The following CERKL variants were observed in gnomAD, a reference collection of about 807,000 sequenced individuals.
CERKL encodes the protein CERK like autophagy regulator, also known as ceramide kinase-like protein.
CERKL carries 61 observed loss-of-function variants against 63.4 expected under a neutral mutation model. The observed-to-expected ratio is 0.96, with a 90% CI of 0.78 to 1.19. The LOEUF is 1.19. Ranked by LOEUF, CERKL falls within the 50% of genes most tolerant of loss-of-function variation. The probability of loss-of-function intolerance (pLI) is 0.00; values close to 1 mark genes in which losing one functional copy is unlikely to be tolerated. For synonymous variants in CERKL, 250 were observed against 230.5 expected (o/e 1.08, Z -0.77); for missense variants, 675 against 655.5 (o/e 1.03, Z -0.33).
intron 5 of CERKL, among the ~76,000 whole-genome samples, chr2:181,555,607 A>T (rs756804628): frequency 2.3e-4 from 35 of 152,154 alleles, no homozygotes; most frequent in Non-Finnish European, 4.7e-4. Flanking sequence ...CTAAATGAAT[A>T]GGGTTATCAA....
In CERKL at chr2:181,537,950, A is replaced by C. The variant is rs1687254852; in HGVS notation, c.*234T>G. ...GCATTAGATTCTCATAGAAGTGCGA[A>C]CCATATGGTGAACTGGTATGTGAGG... is the stretch of plus-strand genomic sequence containing the variant. On this transcript the variant is annotated 3_prime_UTR_variant, in exon 13 of 13. Coordinates refer to ENST00000410087, the MANE Select transcript of CERKL (RefSeq NM_201548.5). 1.6e-6 allele frequency: 1 copy of C among 627,708 alleles called. No individual in the cohort carries two copies. Among genetic ancestry groups the C allele is most frequent in the African/African-American group, 1.8e-5 (1 of 55,416 alleles). The allele number at this position is 627,708 out of a possible 1,614,324, so 38.9% of individuals were successfully genotyped here.
chr2:181,565,604 T>C lies in CERKL; in HGVS notation c.677+454A>G, dbSNP rs1320900681. On this transcript the variant is annotated intron_variant, in intron 4 of 12. Transcript: ENST00000410087. ...TGGAAATAATGTATTTATTTACTTG[T>C]ATTTATAAAATATCTTCCCTCAATC... is the stretch of plus-strand genomic sequence containing the variant. 52 of 996,512 alleles carry C rather than the reference T, an allele frequency of 5.2e-5. 1 individual carries two copies. The highest frequency in any genetic ancestry group is 4.7e-6 in the Non-Finnish European group (3 of 644,272). 61.7% of individuals were successfully genotyped at this position (996,512 alleles called of 1,614,324 possible).
Position 181,550,062 on chromosome 2 carries a change from A to G in CERKL, c.821-354T>C, listed in dbSNP as rs2105806204. Among the ~76,000 whole-genome samples the G allele has an allele frequency of 6.6e-6, 1 of 152,264 alleles. No homozygotes were observed. Among genetic ancestry groups the G allele is most frequent in the African/African-American group, 2.4e-5 (1 of 41,550 alleles). ...CTTAATGAATGGGTTTTTAGCTTCA[A>G]TGCCAAAATGAGGTGCCTCTGGGGA... On this transcript the variant is annotated intron_variant, in intron 5 of 12. Coordinates refer to ENST00000410087, the MANE Select transcript of CERKL (RefSeq NM_201548.5). The surrounding 1 kb of genome is among the most constrained non-coding windows in gnomAD (Gnocchi z 4.5).
At chr2:181,591,829 A>C (rs1685001784) in intron 2 of CERKL, among the ~76,000 whole-genome samples, 2 of 152,296 alleles carry the variant, frequency 1.3e-5, no homozygotes, top group South Asian at 4.1e-4. Flanking sequence ...ATGACCTCCT[A>C]ACCACTAGGA....
intron 11 of CERKL, among the ~76,000 whole-genome samples, chr2:181,541,540 A>G (rs1291677977): frequency 6.6e-6 from 1 of 152,236 alleles, no homozygotes; most frequent in East Asian, 1.9e-4. Flanking sequence ...AGGATATTCC[A>G]TATTATTCTG....
intron 1 of CERKL, among the ~76,000 whole-genome samples, chr2:181,628,561 A>G (rs1309388389): frequency 2.0e-5 from 3 of 152,196 alleles, no homozygotes; most frequent in Non-Finnish European, 2.9e-5. Context: ...GTATCAATAC[A>G]CATATTAGGA....
At chr2:181,555,709 A>G (rs1398781961) in intron 5 of CERKL, among the ~76,000 whole-genome samples, 3 of 151,558 alleles carry the variant, frequency 2.0e-5, no homozygotes, top group African/African-American at 7.3e-5. Flanking sequence ...ACTTTTTAAA[A>G]GTTGATTCTT....
At chr2:181,617,523 T>C (rs1437381272) in intron 1 of CERKL, 1 of 152,204 alleles carries the variant, frequency 6.6e-6, no homozygotes, top group Non-Finnish European at 1.5e-5. Context: ...TTTGTAAAAC[T>C]TGTAAGTGTG....
At chr2:181,560,286 G>A (rs1286239849) in intron 4 of CERKL, among the ~76,000 whole-genome samples, 1 of 152,064 alleles carries the variant, frequency 6.6e-6, no homozygotes, top group African/African-American at 2.4e-5. Flanking sequence ...ATCTAATTTA[G>A]CACCAAATAA....
At chr2:181,553,484 T>C (rs1688075066) in intron 5 of CERKL, among the ~76,000 whole-genome samples, 2 of 152,182 alleles carry the variant, frequency 1.3e-5, no homozygotes, top group East Asian at 3.8e-4. Context: ...AAAAACATAA[T>C]GTAATGTCAT....
chr2:181,537,043 A>G lies in CERKL; in HGVS notation c.*1141T>C. On this transcript the variant is annotated 3_prime_UTR_variant, in exon 13 of 13. Transcript: ENST00000410087. ...GTTCTGAGATTTGCGAAGGCATTTG[A>G]GTAGTGAAATGTAAGCACAAAACCT... 1 of 444,932 alleles carries G rather than the reference A, an allele frequency of 2.2e-6. No individual in the cohort carries two copies. 27.6% of individuals were successfully genotyped at this position (444,932 alleles called of 1,614,324 possible).
At chr2:181,587,655 G>T (rs1684822235) in intron 2 of CERKL, among the ~76,000 whole-genome samples, 1 of 151,924 alleles carries the variant, frequency 6.6e-6, no homozygotes, top group South Asian at 2.1e-4. Context: ...AAAATAATTA[G>T]CATTTAAATA....
rs373118444 is a variant in CERKL, at chr2:181,565,444, C to G, written c.677+614G>C. On this transcript the variant is annotated intron_variant, in intron 4 of 12. Coordinates refer to ENST00000410087, the MANE Select transcript of CERKL (RefSeq NM_201548.5). ...TTTATATCACTTGCCTTGGTTCTAA[C>G]GTTTGCATGCCAGTGAACAATCTCT... is the stretch of plus-strand genomic sequence containing the variant. The G allele has an allele frequency of 1.9e-6, 3 of 1,611,764 alleles. No homozygotes were observed. Among genetic ancestry groups the G allele is most frequent in the Non-Finnish European group, 2.5e-6 (3 of 1,178,598 alleles).
At position 181,604,023 on chromosome 2, in the gene CERKL, A is replaced by G. The variant is rs754731622; in HGVS notation, c.295T>C (p.Phe99Leu). Residue 99 changes from phenylalanine (F) to leucine (L), a missense_variant, in exon 2 of 13, where the codon TTC becomes CTC. By Grantham distance (22) the Phe-to-Leu change is conservative (BLOSUM62 0). Transcript: ENST00000410087. ...KEEFIELKDI[F>L]SVKLKRRCSV... The stretch of plus-strand genomic sequence containing the variant: ...CAACGCCGTTTCAGTTTCACAGAGA[A>G]TATGTCTTTGAGTTCAATAAATTCT... The G allele has an allele frequency of 1.2e-6, 2 of 1,610,072 alleles. No homozygotes were observed. Among genetic ancestry groups the G allele is most frequent in the Non-Finnish European group, 1.7e-6 (2 of 1,176,776 alleles).
intron 2 of CERKL, among the ~76,000 whole-genome samples, chr2:181,577,090 A>G (rs1435256844): frequency 6.6e-6 from 1 of 152,134 alleles, no homozygotes; most frequent in African/African-American, 2.4e-5. Context: ...CATATTTATA[A>G]CAGGTTCCCA....
chr2:181,622,819 T>A (rs1259881371), intron 1 of CERKL, among the ~76,000 whole-genome samples: 3 of 152,206 alleles, frequency 2.0e-5, no homozygotes, highest in Admixed American at 6.5e-5. Flanking sequence ...TAAAACAGAT[T>A]AGCAATTTAA....
chr2:181,584,530 C>A lies in CERKL; in HGVS notation c.482-10646G>T, dbSNP rs907766448. ...TTGTCTCAGAAAAGAAAAAAAAAATCTGCCATGTCTATGTTGGTAAATGAC... is the reference window on the plus strand; with the variant it reads ...TTGTCTCAGAAAAGAAAAAAAAAATATGCCATGTCTATGTTGGTAAATGAC... On this transcript the variant is annotated intron_variant, in intron 2 of 12. Transcript: ENST00000410087. Among the ~76,000 whole-genome samples, 15 of 151,168 alleles carry A rather than the reference C, an allele frequency of 9.9e-5. No homozygotes were observed. The East Asian group carries it at 2.8e-3, about 28-fold the overall frequency.
intron 3 of CERKL, among the ~76,000 whole-genome samples, chr2:181,569,117 C>A (rs1356224853): frequency 6.6e-6 from 1 of 152,032 alleles, no homozygotes; most frequent in Non-Finnish European, 1.5e-5. Flanking sequence ...TTTGTATATA[C>A]CCCATTAGTG....
intron 4 of CERKL, among the ~76,000 whole-genome samples, chr2:181,560,522 C>CTA (rs147189554): frequency 4.6e-4 from 70 of 151,420 alleles, no homozygotes; most frequent in African/African-American, 1.3e-3. Flanking sequence ...TGAATAATTA[C>CTA]TATATATATA....
Sources: gnomAD v4.1 joint callset for allele counts (sites outside exome capture counted in the v4.1 genomes callset) on GRCh38, gnomAD v4.1.1 for gene constraint, Gnocchi (gnomAD v3.1) non-coding constraint, MANE v1.5 for transcripts, NCBI Gene and HGNC (gene_info 2026-07-23, HGNC 2026-07-21) for gene names.